The following RAPGEF2 variants were observed in gnomAD, a reference collection of about 807,000 sequenced individuals.
The protein encoded by RAPGEF2 is PDZ domain containing guanine nucleotide exchange factor (GEF) 1.
In RAPGEF2, 54 loss-of-function variants were observed where a neutral mutation model predicts 186.7. That is an observed-to-expected ratio of 0.29 (90% confidence interval 0.23 to 0.36). RAPGEF2 has a LOEUF of 0.36. Ranked by LOEUF, RAPGEF2 falls within the 10% of genes least tolerant of loss-of-function variation. The probability of loss-of-function intolerance (pLI) is 1.00; values close to 1 mark genes in which losing one functional copy is unlikely to be tolerated. For synonymous variants in RAPGEF2, 712 were observed against 705.9 expected, an observed-to-expected ratio of 1.01 and a Z score of -0.14; for missense variants, 1,532 against 2,045.0, an observed-to-expected ratio of 0.75 and a Z score of 4.84.
At chr4:159,197,048 G>A (rs1748723820) in intron 3 of RAPGEF2, among the ~76,000 whole-genome samples, 1 of 152,146 alleles carries the variant, frequency 6.6e-6, no homozygotes. Context: ...TACTCTGTTA[G>A]GTATTGTGCT....
At chr4:159,141,794 G>A (rs1311666631) in intron 1 of RAPGEF2, among the ~76,000 whole-genome samples, 1 of 152,092 alleles carries the variant, frequency 6.6e-6, no homozygotes, top group Non-Finnish European at 1.5e-5. Flanking sequence ...TCTGAGTGAG[G>A]CTGAACATAT....
chr4:159,237,842 TAAAAAAAAAAAAAAAAA>T (rs58593781), intron 4 of RAPGEF2, among the ~76,000 whole-genome samples: 1 of 66,942 alleles, frequency 1.5e-5, no homozygotes, highest in Non-Finnish European at 2.7e-5. Flanking sequence ...CTACAAAAAT[TAAAAAAAAAAAAAAAAA>T]AAAAAAAAAA....
chr4:159,156,522 T>C (rs544896866), intron 1 of RAPGEF2, among the ~76,000 whole-genome samples: 4 of 152,150 alleles, frequency 2.6e-5, no homozygotes, highest in Non-Finnish European at 5.9e-5. Context: ...CTAGGGTACA[T>C]GTGCACAATG....
chr4:159,274,458 C>A (rs1758578911), intron 7 of RAPGEF2, among the ~76,000 whole-genome samples: 1 of 152,078 alleles, frequency 6.6e-6, no homozygotes, highest in South Asian at 2.1e-4. Flanking sequence ...AATATATCTA[C>A]ATAGAGATAT....
At chr4:159,169,256 G>A (rs1745649733) in intron 1 of RAPGEF2, among the ~76,000 whole-genome samples, 1 of 152,022 alleles carries the variant, frequency 6.6e-6, no homozygotes. Context: ...AAAAATGTGT[G>A]TTTAATTAAA....
At chr4:159,322,594 A>T in intron 10 of RAPGEF2, 111 bp downstream of exon 10, 1 of 807,896 alleles carries the variant, frequency 1.2e-6, no homozygotes. Flanking sequence ...CAACAACAGT[A>T]AGTTTGAATA....
chr4:159,331,822 C>T lies in RAPGEF2; in HGVS notation c.1768C>T (p.Arg590Trp), dbSNP rs1017042819. 16 of 1,613,150 alleles carry T rather than the reference C, an allele frequency of 9.9e-6. No individual in the cohort carries two copies. Among genetic ancestry groups the T allele is most frequent in the Admixed American group, 5.0e-5 (3 of 59,898 alleles). The change falls in exon 15 of 30, where the codon CGG (arginine) becomes TGG (tryptophan). Residue 590 changes from arginine to tryptophan, a missense_variant. By Grantham distance (101) the Arg-to-Trp change is moderately radical. Around this residue, in one of 4 missense-constraint regions of RAPGEF2, gnomAD observed 810 missense variants for 1,210.5 expected, o/e 0.67. Transcript: ENST00000691494. Reference protein sequence around the residue: ...GSKATEAGLKRGDQILEVNGQ... With the variant: ...GSKATEAGLKWGDQILEVNGQ... ...CAAAGCAACTGAAGCAGGCTTGAAACGGGGGGATCAGGTATGCCATTTCTA... is the reference window on the plus strand; with the variant it reads ...CAAAGCAACTGAAGCAGGCTTGAAATGGGGGGATCAGGTATGCCATTTCTA...
At chr4:159,203,446 G>A (rs1371301351) in intron 3 of RAPGEF2, among the ~76,000 whole-genome samples, 1 of 152,178 alleles carries the variant, frequency 6.6e-6, no homozygotes, top group Non-Finnish European at 1.5e-5. Context: ...TCTGGCACCT[G>A]CGTCACGTGA....
At chr4:159,314,285 TG>T (rs917711837) in intron 8 of RAPGEF2, among the ~76,000 whole-genome samples, 39 of 152,318 alleles carry the variant, frequency 2.6e-4, no homozygotes, top group African/African-American at 8.2e-4. Flanking sequence ...CTTTGAAGAA[TG>T]GAGTGAAAAC....
rs956838729 is a variant in RAPGEF2, at chr4:159,103,540, G to T, written c.-623G>T. ...CCAGGAGCGGCGGCCGAGGCGATCG[G>T]GCTTCGCAGCGCCCGGACCTGAGCC... On this transcript the variant is annotated 5_prime_UTR_variant, in exon 1 of 30. Coordinates refer to ENST00000691494, the MANE Select transcript of RAPGEF2 (RefSeq NM_001394067.2). 1 of 153,364 alleles carries T rather than the reference G, an allele frequency of 6.5e-6. No individual in the cohort carries two copies. Among genetic ancestry groups the T allele is most frequent in the Non-Finnish European group, 1.5e-5 (1 of 68,420 alleles). 9.5% of individuals were successfully genotyped at this position (153,364 alleles called of 1,614,324 possible).
intron 5 of RAPGEF2, among the ~76,000 whole-genome samples, chr4:159,240,679 A>T (rs551498718): frequency 1.3e-5 from 2 of 152,168 alleles, no homozygotes; most frequent in East Asian, 3.9e-4. Flanking sequence ...CACTATTTAT[A>T]AAAAAAGAAA....
At chr4:159,324,075 G>A (rs1014503369) in intron 11 of RAPGEF2, among the ~76,000 whole-genome samples, 22 of 151,652 alleles carry the variant, frequency 1.5e-4, no homozygotes, top group African/African-American at 4.6e-4. Flanking sequence ...TTTTGTATTT[G>A]TAGTAGAGAT....
intron 9 of RAPGEF2, among the ~76,000 whole-genome samples, chr4:159,315,975 T>C (rs914167693): frequency 1.3e-5 from 2 of 152,270 alleles, no homozygotes; most frequent in African/African-American, 4.8e-5. Flanking sequence ...GAGTCTTCTC[T>C]AAACTCCCCC....
intron 7 of RAPGEF2, among the ~76,000 whole-genome samples, chr4:159,276,299 G>A (rs757232024): frequency 6.6e-6 from 1 of 152,044 alleles, no homozygotes; most frequent in Non-Finnish European, 1.5e-5. Context: ...ACACTTACTT[G>A]TTTTCTTAAA....
At position 159,338,293 on chromosome 4, in the gene RAPGEF2, A is replaced by G. The variant is rs753664804; in HGVS notation, c.2136-18A>G. The G allele has an allele frequency of 1.3e-6, 2 of 1,591,890 alleles. No individual in the cohort carries two copies. On this transcript the variant is annotated intron_variant, in intron 17 of 29. Coordinates refer to ENST00000691494, the MANE Select transcript of RAPGEF2 (RefSeq NM_001394067.2). The stretch of plus-strand genomic sequence containing the variant: ...TTTTTAACTTGTTGATAATTTTCTA[A>G]TTTTCCTCTTTGTTCAGTGATATTG...
At chr4:159,318,519 T>C (rs1056794536) in intron 9 of RAPGEF2, among the ~76,000 whole-genome samples, 4 of 152,222 alleles carry the variant, frequency 2.6e-5, no homozygotes, top group Admixed American at 6.5e-5. Flanking sequence ...TTTGAACATA[T>C]TTTTGCGAGC....
At chr4:159,356,276 C>A in intron 29 of RAPGEF2, 118 bp downstream of exon 29, 1 of 1,050,654 alleles carries the variant, frequency 9.5e-7, no homozygotes, top group Non-Finnish European at 1.4e-6. Flanking sequence ...ATATACTACA[C>A]AAAGTACACT....
chr4:159,283,202 T>G (rs1358017575), intron 7 of RAPGEF2, among the ~76,000 whole-genome samples: 1 of 152,166 alleles, frequency 6.6e-6, no homozygotes, highest in Non-Finnish European at 1.5e-5. Flanking sequence ...ACATAGTACC[T>G]TTGGTTAATG....
At chr4:159,154,833 A>G (rs973910302) in intron 1 of RAPGEF2, among the ~76,000 whole-genome samples, 3 of 152,180 alleles carry the variant, frequency 2.0e-5, no homozygotes, top group Admixed American at 6.5e-5. Context: ...TATGAATTCT[A>G]TATTAGGCCA....
Sources: gnomAD v4.1 joint callset for allele counts (sites outside exome capture counted in the v4.1 genomes callset) on GRCh38, gnomAD v4.1.1 for gene constraint, gnomAD v4.1.1 regional missense constraint, MANE v1.5 for transcripts, NCBI Gene and HGNC (gene_info 2026-07-23, HGNC 2026-07-21) for gene names.